KCNQ1: variants seen among roughly 807,000 people sequenced by gnomAD.
KCNQ1 encodes potassium voltage-gated channel subfamily KQT member 1.
KCNQ1 carries 49 observed loss-of-function variants against 72.4 expected under a neutral mutation model. The observed-to-expected ratio is 0.68, with a 90% confidence interval of 0.54 to 0.86. The LOEUF is 0.86. KCNQ1 is among the 40% of genes least tolerant of loss of function. The pLI, the probability that KCNQ1 is intolerant of heterozygous loss-of-function variation, is 0.00. For missense variants in KCNQ1, 790 were observed against 945.1 expected (o/e 0.84, Z 2.15); for synonymous variants, 450 against 412.6 (o/e 1.09, Z -1.10).
Position 2,657,330 on chromosome 11 carries a change from C to G in KCNQ1, c.1394-4631C>G. 2.5e-6 allele frequency: 1 copy of G among 398,590 alleles called. No homozygotes were observed. The highest frequency in any genetic ancestry group is 4.4e-6 in the Non-Finnish European group (1 of 226,058). 24.7% of individuals were successfully genotyped at this position (398,590 alleles called of 1,614,324 possible). ...GATAATCTTTTCAGTATTGAGTCTTCTAGTCATTGGAATGAAGGCATATTT... is the reference window on the plus strand; with the variant it reads ...GATAATCTTTTCAGTATTGAGTCTTGTAGTCATTGGAATGAAGGCATATTT... On this transcript the variant is annotated intron_variant, in intron 10 of 15. Coordinates refer to ENST00000155840, the MANE Select transcript of KCNQ1 (RefSeq NM_000218.3). This position sits in a 1 kb window ranked among gnomAD's most constrained non-coding sequence, Gnocchi z 4.8.
In KCNQ1 at chr11:2,447,645, C is replaced by T. The variant is rs1013441202; in HGVS notation, c.386+2161C>T. On this transcript the variant is annotated intron_variant, in intron 1 of 15. Coordinates refer to ENST00000155840, the MANE Select transcript of KCNQ1 (RefSeq NM_000218.3). The surrounding 1 kb of genome is among the most constrained non-coding windows in gnomAD (Gnocchi z 7.6). ...GCAGCCTCACGAAATCAGGTCCAGC[C>T]TTGCGCCAGTCCAGCCTTGTGTTGC... Among the ~76,000 whole-genome samples, 2 of 152,178 alleles carry T rather than the reference C, an allele frequency of 1.3e-5. No homozygotes were observed. Among genetic ancestry groups the T allele is most frequent in the African/African-American group, 4.8e-5 (2 of 41,442 alleles).
Position 2,523,751 on chromosome 11 carries a change from G to GTT in KCNQ1, c.387-4158_387-4157dup, listed in dbSNP as rs59766245. Among the ~76,000 whole-genome samples, 354 of 115,102 alleles carry GTT rather than the reference G, an allele frequency of 3.1e-3. 11 individuals are homozygous for GTT. In the East Asian group the frequency reaches 0.035, roughly 11 times the overall value. 75.5% of individuals were successfully genotyped at this position (115,102 alleles called of 152,430 possible). A position where few individuals can be genotyped will look rare whatever the true frequency, so the allele number is the denominator to read the frequency against. On this transcript the variant is annotated intron_variant, in intron 1 of 15. Transcript: ENST00000155840. ...GCCTCTGCCTTGGAGGAAGTTTACA[G>GTT]TTTTTTTTTTTTTTTTTTTTGAAAG...
In KCNQ1 at chr11:2,494,773, C is replaced by A. The variant is rs560773425; in HGVS notation, c.387-33155C>A. Among the ~76,000 whole-genome samples the A allele has an allele frequency of 3.3e-5, 5 of 152,238 alleles. No homozygotes were observed. In the East Asian group the frequency reaches 9.7e-4, roughly 29 times the overall value. The stretch of plus-strand genomic sequence containing the variant: ...TTTATTGAAGATTTTTGCATCGGTG[C>A]TCATCAGGGATATTGGCCTGAAGTT... On this transcript the variant is annotated intron_variant, in intron 1 of 15. Coordinates refer to ENST00000155840, the MANE Select transcript of KCNQ1 (RefSeq NM_000218.3). The surrounding 1 kb of genome is among the most constrained non-coding windows in gnomAD (Gnocchi z 4.6).
rs1849899325 is a variant in KCNQ1, at chr11:2,658,861, C to T, written c.1394-3100C>T. On this transcript the variant is annotated intron_variant, in intron 10 of 15. Coordinates refer to ENST00000155840, the MANE Select transcript of KCNQ1 (RefSeq NM_000218.3). The surrounding 1 kb of genome is among the most constrained non-coding windows in gnomAD (Gnocchi z 4.9). Reference sequence around the variant, plus strand: ...CTAGAAACCTGGCTCCCATTACCTACAGTTCATTTACTTATTTGTGTAACC... The same window carrying T: ...CTAGAAACCTGGCTCCCATTACCTATAGTTCATTTACTTATTTGTGTAACC... The T allele has an allele frequency of 2.5e-6, 1 of 398,448 alleles. No homozygotes were observed. Among genetic ancestry groups the T allele is most frequent in the African/African-American group, 2.1e-5 (1 of 48,616 alleles). The allele number at this position is 398,448 out of a possible 1,614,324, so 24.7% of individuals were successfully genotyped here.
intron 1 of KCNQ1, among the ~76,000 whole-genome samples, chr11:2,465,506 TA>T (rs1177441472): frequency 6.6e-6 from 1 of 152,186 alleles, no homozygotes; most frequent in Non-Finnish European, 1.5e-5. Context: ...CTTGGTTGGG[TA>T]GAGGCCTGAG....
chr11:2,560,725 C>T (rs1848152288), intron 2 of KCNQ1, among the ~76,000 whole-genome samples: 1 of 151,592 alleles, frequency 6.6e-6, no homozygotes, highest in Admixed American at 6.6e-5. Context: ...AGTTTCTCAG[C>T]AGGATTTTGG....
chr11:2,727,270 G>A (rs539846969), intron 11 of KCNQ1, among the ~76,000 whole-genome samples: 288 of 152,332 alleles, frequency 1.9e-3, no homozygotes, highest in African/African-American at 6.5e-3. Context: ...AGACACATCA[G>A]GGTCTGAATC....
At chr11:2,605,594 A>G (rs1158095515) in intron 10 of KCNQ1, among the ~76,000 whole-genome samples, 2 of 152,270 alleles carry the variant, frequency 1.3e-5, no homozygotes, top group Non-Finnish European at 2.9e-5. Context: ...TCAATTGACC[A>G]TAGATATATG....
Position 2,659,833 on chromosome 11 carries a change from A to C in KCNQ1, c.1394-2128A>C, listed in dbSNP as rs79245945. ...GATTCTAATTTGCATTTCCATATTT[A>C]TGTTAATTATGTATCTTTTCATGTG... On this transcript the variant is annotated intron_variant, in intron 10 of 15. Transcript: ENST00000155840. The surrounding 1 kb of genome is among the most constrained non-coding windows in gnomAD (Gnocchi z 4.3). 0.025 allele frequency: 9,914 copies of C among 398,120 alleles called. 825 individuals carry two copies. The highest frequency in any genetic ancestry group is 0.18 in the African/African-American group (8,767 of 48,574). The allele number at this position is 398,120 out of a possible 1,614,324, so 24.7% of individuals were successfully genotyped here. A position where few individuals can be genotyped will look rare whatever the true frequency, so the allele number is the denominator to read the frequency against.
At chr11:2,570,777 A>T in intron 3 of KCNQ1, 23 bp downstream of exon 3, 1 of 1,608,064 alleles carries the variant, frequency 6.2e-7, no homozygotes, top group Non-Finnish European at 8.5e-7. Context: ...TGCCCTGTGG[A>T]GGTCACGCCC....
At chr11:2,511,924 A>G (rs1847213069) in intron 1 of KCNQ1, among the ~76,000 whole-genome samples, 1 of 152,212 alleles carries the variant, frequency 6.6e-6, no homozygotes, top group Non-Finnish European at 1.5e-5. Context: ...GGTGGAGGGC[A>G]CAGGTCAGAG....
Position 2,563,240 on chromosome 11 carries a change from A to G in KCNQ1, c.478-7388A>G, listed in dbSNP as rs549117206. On this transcript the variant is annotated intron_variant, in intron 2 of 15. Transcript: ENST00000155840. The surrounding 1 kb of genome is among the most constrained non-coding windows in gnomAD (Gnocchi z 7.4). ...CCGGCTGATAAAAGCAAAACAATAG[A>G]TAAGATGGCCAGGTCGACCTTCAGC... 9.9e-5 allele frequency among the ~76,000 whole-genome samples: 15 copies of G among 152,284 alleles called. No individual in the cohort carries two copies. The highest frequency in any genetic ancestry group is 2.9e-4 in the African/African-American group (12 of 41,558).
chr11:2,694,339 G>A, intron 11 of KCNQ1: 1 of 398,664 alleles, frequency 2.5e-6, no homozygotes, highest in Non-Finnish European at 4.4e-6. Flanking sequence ...TGCCCCCCAG[G>A]GGACATATGG....
In KCNQ1 at chr11:2,662,029, G is replaced by A. The variant is rs2133856134; in HGVS notation, c.1462G>A (p.Asp488Asn). ...HFMRTNSFAE[D>N]LDLEGETLLT... The stretch of plus-strand genomic sequence containing the variant: ...CATGAGAACCAACAGCTTCGCCGAG[G>A]ACCTGGACCTGGAAGGGGAGACTCT... The change falls in exon 11 of 16, where the codon GAC becomes AAC. Residue 488 changes from aspartate (D) to asparagine (N), a missense_variant. Asp to Asn is a conservative substitution (Grantham distance 23). Around this residue, in one of 5 missense-constraint regions of KCNQ1, gnomAD observed 178 missense variants for 177.9 expected, o/e 1.00. Coordinates refer to ENST00000155840, the MANE Select transcript of KCNQ1 (RefSeq NM_000218.3). 2.5e-6 allele frequency: 4 copies of A among 1,614,216 alleles called. No homozygotes were observed.
chr11:2,510,067 C>T (rs111769954), intron 1 of KCNQ1, among the ~76,000 whole-genome samples: 3,056 of 151,618 alleles, frequency 0.02, 105 homozygotes, highest in African/African-American at 0.07. Flanking sequence ...CCTAGGAGTT[C>T]GAGACCAGCC....
rs540586694 is a variant in KCNQ1, at chr11:2,520,808, C to T, written c.387-7120C>T. Among the ~76,000 whole-genome samples the T allele has an allele frequency of 2.0e-5, 3 of 151,980 alleles. No homozygotes were observed. The East Asian group carries it at 5.8e-4, about 29-fold the overall frequency. On this transcript the variant is annotated intron_variant, in intron 1 of 15. Coordinates refer to ENST00000155840, the MANE Select transcript of KCNQ1 (RefSeq NM_000218.3). ...CCCAGGATGACTTTTTTTTTTAAGC[C>T]CCTAGAAGTGGTTTGGGGTTTAAGC...
Position 2,664,014 on chromosome 11 carries a change from T to A in KCNQ1, c.1514+1933T>A. 1 of 398,726 alleles carries A rather than the reference T, an allele frequency of 2.5e-6. No individual in the cohort carries two copies. Among genetic ancestry groups the A allele is most frequent in the Non-Finnish European group, 4.4e-6 (1 of 226,132 alleles). 24.7% of individuals were successfully genotyped at this position (398,726 alleles called of 1,614,324 possible). A position where few individuals can be genotyped will look rare whatever the true frequency, so the allele number is the denominator to read the frequency against. The stretch of plus-strand genomic sequence containing the variant: ...CCACTTTGGGTCTGGCACATTACCA[T>A]TCTGCAAGATCCTGCAGCCTTTTCA... On this transcript the variant is annotated intron_variant, in intron 11 of 15. Coordinates refer to ENST00000155840, the MANE Select transcript of KCNQ1 (RefSeq NM_000218.3). This position sits in a 1 kb window ranked among gnomAD's most constrained non-coding sequence, Gnocchi z 5.1.
chr11:2,775,571 C>G lies in KCNQ1; in HGVS notation c.1591-389C>G, dbSNP rs182212473. 3.8e-4 allele frequency among the ~76,000 whole-genome samples: 58 copies of G among 152,350 alleles called. No homozygotes were observed. In the East Asian group the frequency reaches 9.6e-3, roughly 25 times the overall value. Reference sequence around the variant, plus strand: ...TAGGTAGTGGGCATGCAGAGCTGTGCCTCCTGGTCAGTGCCTGGCACTGTG... The same window carrying G: ...TAGGTAGTGGGCATGCAGAGCTGTGGCTCCTGGTCAGTGCCTGGCACTGTG... On this transcript the variant is annotated intron_variant, in intron 12 of 15. Transcript: ENST00000155840.
chr11:2,717,369 G>A (rs1180643429), intron 11 of KCNQ1, among the ~76,000 whole-genome samples: 1 of 152,184 alleles, frequency 6.6e-6, no homozygotes, highest in Non-Finnish European at 1.5e-5. Flanking sequence ...ACACCTCTGC[G>A]CACAGTATGC....
Sources: gnomAD v4.1 joint callset for allele counts (sites outside exome capture counted in the v4.1 genomes callset) on GRCh38, gnomAD v4.1.1 for gene constraint, gnomAD v4.1.1 regional missense constraint, Gnocchi (gnomAD v3.1) non-coding constraint, MANE v1.5 for transcripts, NCBI Gene and HGNC (gene_info 2026-07-23, HGNC 2026-07-21) for gene names.